Variants in AQP2 observed in about 807,000 individuals in gnomAD.
AQP2 encodes the protein aquaporin 2, also known as aquaporin-2.
AQP2 carries 20 observed loss-of-function variants against 21.6 expected under a neutral mutation model. That is an observed-to-expected ratio of 0.92 (90% CI 0.65 to 1.34). AQP2 has a LOEUF of 1.34. AQP2 is among the 40% of genes most tolerant of loss of function. The pLI is 0.00. For synonymous variants in AQP2, 168 were observed against 166.9 expected, an observed-to-expected ratio of 1.01 and a Z score of -0.05; for missense variants, 325 against 363.4, an observed-to-expected ratio of 0.89 and a Z score of 0.86.
intron 2 of AQP2, 67 bp from the exon 3 acceptor site, chr12:49,954,563 G>A (rs1592816413): frequency 6.4e-7 from 1 of 1,564,668 alleles, no homozygotes; most frequent in Non-Finnish European, 8.8e-7. Flanking sequence ...GCACTGCAGT[G>A]CGGGACAAGG....
Position 49,955,909 on chromosome 12 carries a change from T to C in AQP2, c.*301T>C, listed in dbSNP as rs1947366756. On this transcript the variant is annotated 3_prime_UTR_variant, in exon 4 of 4. Transcript: ENST00000199280. ...GCTGGGGAGGGAGGCAGGTGGGTGGTAAGAGGGAAACTCTGGAGAGCCTGC... is the reference window on the plus strand; with the variant it reads ...GCTGGGGAGGGAGGCAGGTGGGTGGCAAGAGGGAAACTCTGGAGAGCCTGC... The C allele has an allele frequency of 5.2e-6, 3 of 577,384 alleles. No homozygotes were observed. The highest frequency in any genetic ancestry group is 2.7e-4 in the Middle Eastern group (1 of 3,762). 35.8% of individuals were successfully genotyped at this position (577,384 alleles called of 1,614,324 possible).
intron 1 of AQP2, among the ~76,000 whole-genome samples, chr12:49,953,452 G>A (rs997690492): frequency 2.6e-5 from 4 of 152,198 alleles, no homozygotes; most frequent in Non-Finnish European, 5.9e-5. Context: ...CCAAGGCAGG[G>A]TCTGCTGAGA....
intron 1 of AQP2, among the ~76,000 whole-genome samples, chr12:49,953,656 C>G (rs779652711): frequency 6.6e-6 from 1 of 152,022 alleles, no homozygotes; most frequent in African/African-American, 2.4e-5. Flanking sequence ...CTAGGACTGT[C>G]CCCCAGACCC....
intron 1 of AQP2, 186 bp downstream of exon 1, chr12:49,951,376 G>C (rs1268374502): frequency 1.2e-6 from 1 of 814,476 alleles, no homozygotes; most frequent in East Asian, 2.7e-5. Flanking sequence ...AATGATACCA[G>C]AGCAAAGCAG....
At position 49,957,557 on chromosome 12, in the gene AQP2, T is replaced by C. The variant is rs762210730; in HGVS notation, c.*1949T>C. The C allele has an allele frequency of 1.3e-5, 2 of 152,316 alleles. No homozygotes were observed. The highest frequency in any genetic ancestry group is 2.9e-5 in the Non-Finnish European group (2 of 68,110). 9.4% of individuals were successfully genotyped at this position (152,316 alleles called of 1,614,324 possible). On this transcript the variant is annotated 3_prime_UTR_variant, in exon 4 of 4. Coordinates refer to ENST00000199280, the MANE Select transcript of AQP2 (RefSeq NM_000486.6). ...AAAGACAGTGTATAAGGAACATCTC[T>C]GTAATTGTGTCCCCTCTCATCTATG...
chr12:49,954,328 T>C lies in AQP2; in HGVS notation c.525+9T>C, dbSNP rs2137147629. ...TGGGCCACCTCCTTGGGGTAGGTCA[T>C]GGCCATGGGTTCCAGCCTCCCTGGA... On this transcript the variant is annotated intron_variant, in intron 2 of 3. Coordinates refer to ENST00000199280, the MANE Select transcript of AQP2 (RefSeq NM_000486.6). The C allele has an allele frequency of 1.2e-6, 2 of 1,607,046 alleles. No homozygotes were observed. The highest frequency in any genetic ancestry group is 1.7e-6 in the Non-Finnish European group (2 of 1,178,850).
rs1468901736 is a variant in AQP2 at position 49,957,694 on chromosome 12, C to G, written c.*2086C>G. The G allele has an allele frequency of 6.6e-6, 1 of 152,340 alleles. No individual in the cohort carries two copies. Among genetic ancestry groups the G allele is most frequent in the East Asian group, 1.9e-4 (1 of 5,184 alleles). The allele number at this position is 152,340 out of a possible 1,614,324, so 9.4% of individuals were successfully genotyped here. A position where few individuals can be genotyped will look rare whatever the true frequency, so the allele number is the denominator to read the frequency against. Reference sequence around the variant, plus strand: ...CAAACCCCCAATAGCTAGTGACAGCCACTTGGCCTCACTACCAGAAGAAGG... The same window carrying G: ...CAAACCCCCAATAGCTAGTGACAGCGACTTGGCCTCACTACCAGAAGAAGG... On this transcript the variant is annotated 3_prime_UTR_variant, in exon 4 of 4. Transcript: ENST00000199280.
chr12:49,954,183 C>A lies in AQP2; in HGVS notation c.389C>A (p.Ala130Glu). Reference protein sequence around the residue: ...ALSNSTTAGQAVTVELFLTLQ... With the variant: ...ALSNSTTAGQEVTVELFLTLQ... ...AGCAACAGCACGACGGCTGGCCAGG[C>A]GGTGACTGTGGAGCTCTTCCTGACA... is the stretch of plus-strand genomic sequence containing the variant. Residue 130 changes from alanine to glutamate, a missense_variant, in exon 2 of 4, where the codon GCG becomes GAG. Transcript: ENST00000199280. The A allele has an allele frequency of 6.2e-7, 1 of 1,600,484 alleles. No individual in the cohort carries two copies. Among genetic ancestry groups the A allele is most frequent in the Non-Finnish European group, 8.5e-7 (1 of 1,179,940 alleles).
At position 49,955,479 on chromosome 12, in the gene AQP2, C is replaced by T. The variant is rs1476576765; in HGVS notation, c.687C>T (p.Ser229=). Residue 229 remains serine (S), a synonymous_variant, in exon 4 of 4, where the codon AGC becomes AGT. Coordinates refer to ENST00000199280, the MANE Select transcript of AQP2 (RefSeq NM_000486.6). ...YNYVLFPPAK[S]LSERLAVLKG... ...ACGTGCTGTTTCCGCCAGCCAAGAG[C>T]CTGTCGGAGCGCCTGGCAGTGCTGA... 2 of 1,612,868 alleles carry T rather than the reference C, an allele frequency of 1.2e-6. No individual in the cohort carries two copies. Among genetic ancestry groups the T allele is most frequent in the Admixed American group, 1.7e-5 (1 of 60,026 alleles).
At chr12:49,953,451 G>T (rs888424226) in intron 1 of AQP2, among the ~76,000 whole-genome samples, 1 of 152,152 alleles carries the variant, frequency 6.6e-6, no homozygotes, top group African/African-American at 2.4e-5. Context: ...CCCAAGGCAG[G>T]GTCTGCTGAG....
In AQP2 at chr12:49,951,041, G is replaced by A. The variant is rs149659001; in HGVS notation, c.211G>A (p.Val71Met). 1.2e-5 allele frequency: 19 copies of A among 1,613,776 alleles called. No individual in the cohort carries two copies. Among genetic ancestry groups the A allele is most frequent in the South Asian group, 6.6e-5 (6 of 91,090 alleles). The change falls in exon 1 of 4, where the codon GTG (valine) becomes ATG (methionine). Residue 71 changes from valine to methionine, a missense_variant. Coordinates refer to ENST00000199280, the MANE Select transcript of AQP2 (RefSeq NM_000486.6). Reference sequence around the variant, plus strand: ...AAGCGGGGCCCACATCAACCCTGCCGTGACTGTGGCCTGCCTGGTGGGCTG... The same window carrying A: ...AAGCGGGGCCCACATCAACCCTGCCATGACTGTGGCCTGCCTGGTGGGCTG... ...HISGAHINPA[V>M]TVACLVGCHV...
chr12:49,955,665 G>A lies in AQP2; in HGVS notation c.*57G>A, dbSNP rs886049543. ...ACGCTTGTGAGGCCCGAGGCAGAAGGGCCCACCCCGTCCCTCCTCTCCCGC... is the reference window on the plus strand; with the variant it reads ...ACGCTTGTGAGGCCCGAGGCAGAAGAGCCCACCCCGTCCCTCCTCTCCCGC... On this transcript the variant is annotated 3_prime_UTR_variant, in exon 4 of 4. Transcript: ENST00000199280. 2.1e-5 allele frequency: 32 copies of A among 1,520,484 alleles called. No individual in the cohort carries two copies. The highest frequency in any genetic ancestry group is 2.8e-5 in the Non-Finnish European group (32 of 1,134,882). 94.2% of individuals were successfully genotyped at this position (1,520,484 alleles called of 1,614,324 possible). A position where few individuals can be genotyped will look rare whatever the true frequency, so the allele number is the denominator to read the frequency against.
At chr12:49,951,355 A>G (rs1947328566) in intron 1 of AQP2, among the ~76,000 whole-genome samples, 165 bp downstream of exon 1, 1 of 152,182 alleles carries the variant, frequency 6.6e-6, no homozygotes, top group Non-Finnish European at 1.5e-5. Context: ...GAGGGTCAGG[A>G]TGAAAGGAGC....
At position 49,957,659 on chromosome 12, in the gene AQP2, A is replaced by C. The variant is rs1947382317; in HGVS notation, c.*2051A>C. 2 of 152,190 alleles carry C rather than the reference A, an allele frequency of 1.3e-5. No individual in the cohort carries two copies. Among genetic ancestry groups the C allele is most frequent in the Admixed American group, 1.3e-4 (2 of 15,276 alleles). The allele number at this position is 152,190 out of a possible 1,614,324, so 9.4% of individuals were successfully genotyped here. ...GCCCTGGGCCATATGTGCTATGGAG[A>C]GGACTCTCCCAAACCCCCAATAGCT... is the stretch of plus-strand genomic sequence containing the variant. On this transcript the variant is annotated 3_prime_UTR_variant, in exon 4 of 4. Coordinates refer to ENST00000199280, the MANE Select transcript of AQP2 (RefSeq NM_000486.6).
Position 49,950,985 on chromosome 12 carries a change from T to C in AQP2, c.155T>C (p.Ile52Thr), listed in dbSNP as rs2137144293. 6 of 1,614,198 alleles carry C rather than the reference T, an allele frequency of 3.7e-6. No homozygotes were observed. The highest frequency in any genetic ancestry group is 4.5e-5 in the East Asian group (2 of 44,890). Residue 52 changes from isoleucine (I) to threonine (T), a missense_variant, in exon 1 of 4, where the codon ATT becomes ACT. Coordinates refer to ENST00000199280, the MANE Select transcript of AQP2 (RefSeq NM_000486.6). Reference sequence around the variant, plus strand: ...ATTGCCATGGCGTTTGGCTTGGGTATTGGCACCCTGGTACAGGCTCTGGGC... The same window carrying C: ...ATTGCCATGGCGTTTGGCTTGGGTACTGGCACCCTGGTACAGGCTCTGGGC... ...LQIAMAFGLG[I>T]GTLVQALGHI... is the part of the protein sequence containing the mutation.
At chr12:49,954,824 A>C (rs1237095297) in intron 3 of AQP2, 114 bp downstream of exon 3, 3 of 1,199,632 alleles carry the variant, frequency 2.5e-6, no homozygotes, top group Non-Finnish European at 2.5e-6. Flanking sequence ...AACCCTCCAC[A>C]CTCCTCCTGG....
In AQP2 at chr12:49,954,423, C is replaced by G. The variant is rs769099250; in HGVS notation, c.525+104C>G. On this transcript the variant is annotated intron_variant, in intron 2 of 3. Coordinates refer to ENST00000199280, the MANE Select transcript of AQP2 (RefSeq NM_000486.6). ...AAGAGGGACACATACACAGAACTCT[C>G]AAGAGGAACAGACACCCCAGAGGTT... 3.7e-6 allele frequency: 5 copies of G among 1,364,022 alleles called. No homozygotes were observed. The East Asian group carries it at 1.2e-4, about 34-fold the overall frequency. 84.5% of individuals were successfully genotyped at this position (1,364,022 alleles called of 1,614,324 possible).
At position 49,955,477 on chromosome 12, in the gene AQP2, AGCCTGTCGGAGC is replaced by A; in HGVS notation, c.691_702del (p.Ser231_Leu234del). 6.2e-7 allele frequency: 1 copy of A among 1,612,850 alleles called. No homozygotes were observed. Among genetic ancestry groups the A allele is most frequent in the Non-Finnish European group, 8.5e-7 (1 of 1,179,842 alleles). On this transcript the variant is annotated inframe_deletion, in exon 4 of 4. Transcript: ENST00000199280. ...CTACGTGCTGTTTCCGCCAGCCAAG[AGCCTGTCGGAGC>A]GCCTGGCAGTGCTGAAGGGCCTGGA...
rs762574510 is a variant in AQP2, at chr12:49,950,873, G to A, written c.43G>A (p.Ala15Thr). ...RSIAFSRAVF[A>T]EFLATLLFVF... ...CATAGCCTTCTCCAGGGCTGTGTTC[G>A]CAGAGTTCCTGGCCACACTCCTCTT... is the stretch of plus-strand genomic sequence containing the variant. Residue 15 changes from alanine (A) to threonine (T), a missense_variant, in exon 1 of 4, where the codon GCA (alanine) becomes ACA (threonine). Ala to Thr is a moderately conservative substitution (Grantham distance 58). Coordinates refer to ENST00000199280, the MANE Select transcript of AQP2 (RefSeq NM_000486.6). 4.0e-5 allele frequency: 64 copies of A among 1,613,260 alleles called. No homozygotes were observed. The highest frequency in any genetic ancestry group is 2.0e-4 in the South Asian group (18 of 91,086).
Sources: allele counts gnomAD v4.1 joint callset (sites outside exome capture counted in the v4.1 genomes callset), GRCh38; gene constraint gnomAD v4.1.1; transcripts MANE v1.5; gene names NCBI Gene and HGNC (gene_info 2026-07-23, HGNC 2026-07-21).